The following MID1 variants were observed in gnomAD, a reference collection of about 807,000 sequenced individuals.
MID1 encodes the protein midline 1, also known as E3 ubiquitin-protein ligase Midline-1.
In MID1, 7 loss-of-function variants were observed where a neutral mutation model predicts 40.4. The ratio of observed to expected loss-of-function variants is 0.17; its 90% CI spans 0.10 to 0.33. The LOEUF is 0.33. Ranked by LOEUF, MID1 falls within the 10% of genes least tolerant of loss-of-function variation. The pLI, the probability that MID1 is intolerant of heterozygous loss-of-function variation, is 1.00. For synonymous variants in MID1, 229 were observed against 221.2 expected, an observed-to-expected ratio of 1.04 and a Z score of -0.31; for missense variants, 367 against 558.5, an observed-to-expected ratio of 0.66 and a Z score of 3.46.
At chrX:10,720,286 T>C (rs1351881534) in intron 1 of MID1, among the ~76,000 whole-genome samples, 3 of 111,605 alleles carry the variant, frequency 2.7e-5, no homozygotes, top group Admixed American at 9.5e-5. Context: ...AGAAAATTTT[T>C]GCAACCTACT....
chrX:10,693,031 G>A (rs1216809235), intron 1 of MID1, among the ~76,000 whole-genome samples: 8 of 110,653 alleles, frequency 7.2e-5, no homozygotes, highest in African/African-American at 2.6e-4. Context: ...TATCTCTAAC[G>A]ATCCTGTTTC....
At chrX:10,677,894 A>G (rs1162787356) in intron 1 of MID1, among the ~76,000 whole-genome samples, 3 of 110,600 alleles carry the variant, frequency 2.7e-5, no homozygotes, top group Non-Finnish European at 5.7e-5. Flanking sequence ...CTCAATAGCA[A>G]AAATGAGTCT....
intron 4 of MID1, among the ~76,000 whole-genome samples, chrX:10,491,867 G>C (rs5979316): frequency 9.0e-6 from 1 of 111,524 alleles, no homozygotes; most frequent in African/African-American, 3.3e-5. Context: ...CCCATGTGTA[G>C]GTTTTCCTAT....
chrX:10,655,862 T>C (rs1024063105), intron 1 of MID1, among the ~76,000 whole-genome samples: 1 of 110,657 alleles, frequency 9.0e-6, no homozygotes, highest in African/African-American at 3.3e-5. Flanking sequence ...TGGTGTTTTC[T>C]AGATCCACCA....
intron 1 of MID1, among the ~76,000 whole-genome samples, chrX:10,731,966 C>CA (rs754605735): frequency 0.074 from 1,957 of 26,620 alleles, 169 homozygotes; most frequent in Non-Finnish European, 0.12. Context: ...GAATCTATCA[C>CA]AAAAAAAAAA....
intron 1 of MID1, among the ~76,000 whole-genome samples, chrX:10,670,632 A>T (rs1382212761): frequency 8.9e-6 from 1 of 112,057 alleles, no homozygotes; most frequent in Non-Finnish European, 1.9e-5. Flanking sequence ...AGGATTCCTA[A>T]GGCATTTAAA....
rs188208259 is a variant in MID1, at chrX:10,765,486, C to G, written c.-187+68068G>C. Among the ~76,000 whole-genome samples the G allele has an allele frequency of 4.2e-3, 472 of 112,469 alleles. 3 individuals carry two copies. The highest frequency in any genetic ancestry group is 0.015 in the African/African-American group (460 of 31,026). On this transcript the variant is annotated intron_variant, in intron 1 of 10. Coordinates refer to the MID1 transcript ENST00000380785. ...ATCATGTAGCATGCGATTGATCAAG[C>G]CATGGGGTTTCCTTTCATCTTTTAG...
intron 5 of MID1, 78 bp downstream of exon 5, chrX:10,482,402 C>T (rs5979313): frequency 6.7e-6 from 7 of 1,047,872 alleles, no homozygotes; most frequent in East Asian, 3.0e-5. Context: ...AAAAGCAAGG[C>T]GAGGGCAAGA....
intron 1 of MID1, among the ~76,000 whole-genome samples, chrX:10,772,522 A>G (rs1255709415): frequency 1.8e-5 from 2 of 110,063 alleles, no homozygotes; most frequent in African/African-American, 6.6e-5. Context: ...GAACTTACTC[A>G]TGTAACTAAA....
chrX:10,752,237 G>A (rs966428479), intron 1 of MID1, among the ~76,000 whole-genome samples: 1 of 112,027 alleles, frequency 8.9e-6, no homozygotes, highest in Non-Finnish European at 1.9e-5. Flanking sequence ...AGGAAGCCAG[G>A]GAGCTTCTCT....
At chrX:10,479,235 T>C (rs1177676755) in intron 5 of MID1, among the ~76,000 whole-genome samples, 1 of 112,184 alleles carries the variant, frequency 8.9e-6, no homozygotes, top group East Asian at 2.8e-4. Context: ...TAGGTGTTTA[T>C]ATTTATGGAG....
At chrX:10,639,128 G>C (rs1252375632) in intron 1 of MID1, among the ~76,000 whole-genome samples, 1 of 112,437 alleles carries the variant, frequency 8.9e-6, no homozygotes, top group Admixed American at 9.4e-5. Context: ...GCAGGTCCTT[G>C]CCAGCAATGG....
At chrX:10,572,125 CTCTT>C (rs1222158418) in intron 1 of MID1, among the ~76,000 whole-genome samples, 9 of 107,003 alleles carry the variant, frequency 8.4e-5, no homozygotes, top group Non-Finnish European at 1.7e-4. Flanking sequence ...CTCTCTCTCT[CTCTT>C]TCTCTCTCCC....
At chrX:10,779,026 C>T (rs946482618) in intron 1 of MID1, among the ~76,000 whole-genome samples, 3 of 112,658 alleles carry the variant, frequency 2.7e-5, no homozygotes, top group African/African-American at 6.4e-5. Flanking sequence ...TAGGTCATGG[C>T]AGATGCCAAG....
intron 1 of MID1, among the ~76,000 whole-genome samples, chrX:10,791,398 C>G (rs1163201345): frequency 8.9e-6 from 1 of 112,164 alleles, no homozygotes; most frequent in African/African-American, 3.2e-5. Flanking sequence ...AAAAATTAAA[C>G]AAGACCATGT....
chrX:10,678,140 A>G (rs1214053198), intron 1 of MID1, among the ~76,000 whole-genome samples: 3 of 111,640 alleles, frequency 2.7e-5, no homozygotes, highest in Non-Finnish European at 5.6e-5. Flanking sequence ...TATCTTTGTT[A>G]TACGCAATTT....
chrX:10,617,845 A>G (rs967707794), intron 1 of MID1, among the ~76,000 whole-genome samples: 1 of 112,553 alleles, frequency 8.9e-6, no homozygotes, highest in African/African-American at 3.2e-5. Flanking sequence ...ATCAGAGGGC[A>G]GAGACAGGTT....
intron 1 of MID1, among the ~76,000 whole-genome samples, chrX:10,703,318 C>T (rs1401463242): frequency 8.9e-6 from 1 of 112,156 alleles, no homozygotes; most frequent in Non-Finnish European, 1.9e-5. Context: ...TATTTAGCTA[C>T]CAACTTATAC....
intron 3 of MID1, among the ~76,000 whole-genome samples, chrX:10,501,093 G>A (rs947672023): frequency 1.2e-4 from 13 of 111,668 alleles, no homozygotes; most frequent in African/African-American, 3.3e-4. Context: ...GGCGGGTCAC[G>A]AGGTCAGGAG....
Sources: allele counts gnomAD v4.1 joint callset (sites outside exome capture counted in the v4.1 genomes callset), GRCh38; gene constraint gnomAD v4.1.1; transcripts MANE v1.5; gene names NCBI Gene and HGNC (gene_info 2026-07-23, HGNC 2026-07-21).